PDE4D: variants seen among roughly 807,000 people sequenced by gnomAD.
PDE4D encodes the protein phosphodiesterase 4D.
In PDE4D, 24 loss-of-function variants were observed where a neutral mutation model predicts 87.4. The ratio of observed to expected loss-of-function variants is 0.27; its 90% CI spans 0.20 to 0.39. PDE4D has a LOEUF of 0.39. Ranked by LOEUF, PDE4D falls within the 10% of genes least tolerant of loss-of-function variation. The pLI is 1.00. For missense variants in PDE4D, 714 were observed against 1,041.0 expected (o/e 0.69, Z 4.32); for synonymous variants, 384 against 383.2 (o/e 1.00, Z -0.02).
At chr5:59,127,401 A>G (rs1304136663) in intron 5 of PDE4D, among the ~76,000 whole-genome samples, 1 of 152,124 alleles carries the variant, frequency 6.6e-6, no homozygotes, top group East Asian at 1.9e-4. Context: ...TGTTAACAGA[A>G]TTAATTTTTT....
intron 1 of PDE4D, among the ~76,000 whole-genome samples, chr5:59,288,724 CA>C (rs1767454892): frequency 6.6e-6 from 1 of 151,912 alleles, no homozygotes. Context: ...AAAGAAAAAA[CA>C]TACACTGGAG....
intron 1 of PDE4D, among the ~76,000 whole-genome samples, chr5:59,433,945 G>A (rs1796459019): frequency 6.6e-6 from 1 of 151,820 alleles, no homozygotes; most frequent in Non-Finnish European, 1.5e-5. Context: ...TATTAATTAA[G>A]GTTCTTTCAG....
Position 59,642,758 on chromosome 5 carries a change from A to G in PDE4D, c.455+250410T>C, listed in dbSNP as rs576354123. 2.6e-5 allele frequency among the ~76,000 whole-genome samples: 4 copies of G among 152,288 alleles called. No homozygotes were observed. In the South Asian group the frequency reaches 6.2e-4, roughly 24 times the overall value. ...ACATGCACTAAGAACAAAATCCTAA[A>G]AAATACACTACAAGGTGTTAGAGTC... On this transcript the variant is annotated intron_variant, in intron 1 of 14. Coordinates refer to ENST00000340635, the MANE Select transcript of PDE4D (RefSeq NM_001104631.2).
At position 59,300,325 on chromosome 5, in the gene PDE4D, T is replaced by C. The variant is rs114212818; in HGVS notation, c.456-84357A>G. On this transcript the variant is annotated intron_variant, in intron 1 of 14. Coordinates refer to ENST00000340635, the MANE Select transcript of PDE4D (RefSeq NM_001104631.2). ...AATCAGTGTTTCTTTGAAATGAGTA[T>C]ATTTTCTGACAGTATACTTCATGCA... Among the ~76,000 whole-genome samples, 624 of 152,214 alleles carry C rather than the reference T, an allele frequency of 4.1e-3. 2 individuals are homozygous for C. Among genetic ancestry groups the C allele is most frequent in the Non-Finnish European group, 6.2e-3 (420 of 68,010 alleles).
chr5:60,480,345 T>C (rs1490258799), intron 1 of PDE4D, among the ~76,000 whole-genome samples: 2 of 152,142 alleles, frequency 1.3e-5, no homozygotes, highest in East Asian at 1.9e-4. Context: ...CTATGAGATA[T>C]GCATCATTCG....
At chr5:60,078,947 T>A (rs996255479) in intron 2 of PDE4D, among the ~76,000 whole-genome samples, 3 of 152,244 alleles carry the variant, frequency 2.0e-5, no homozygotes, top group African/African-American at 4.8e-5. Context: ...TTCTAGATCC[T>A]TGAGGAATTG....
chr5:60,132,979 G>A (rs1468388652), intron 2 of PDE4D, among the ~76,000 whole-genome samples: 4 of 152,176 alleles, frequency 2.6e-5, no homozygotes, highest in Admixed American at 2.0e-4. Flanking sequence ...TATACACTCT[G>A]TTCCAAACCA....
chr5:59,703,597 T>A (rs994062629), intron 1 of PDE4D: 2 of 534,470 alleles, frequency 3.7e-6, no homozygotes, highest in African/African-American at 1.9e-5. Flanking sequence ...CCAGCCGACT[T>A]CACAATGAAA....
intron 1 of PDE4D, among the ~76,000 whole-genome samples, chr5:60,319,420 A>T (rs1253749441): frequency 6.6e-6 from 1 of 152,106 alleles, no homozygotes; most frequent in African/African-American, 2.4e-5. Flanking sequence ...CTTCTTTGCC[A>T]TGGCTTCGAA....
intron 1 of PDE4D, among the ~76,000 whole-genome samples, chr5:59,860,408 A>G (rs1262501298): frequency 6.6e-6 from 1 of 152,214 alleles, no homozygotes; most frequent in African/African-American, 2.4e-5. Context: ...CTTGTTCCAC[A>G]TACATGCACC....
chr5:59,739,022 T>C (rs1339143460), intron 1 of PDE4D, among the ~76,000 whole-genome samples: 1 of 152,176 alleles, frequency 6.6e-6, no homozygotes, highest in African/African-American at 2.4e-5. Context: ...GATCAAATTT[T>C]CCAAAAGAAA....
intron 1 of PDE4D, among the ~76,000 whole-genome samples, chr5:59,442,318 G>A (rs776971998): frequency 3.9e-5 from 6 of 152,120 alleles, no homozygotes; most frequent in African/African-American, 1.4e-4. Context: ...CACAGACTGG[G>A]GAATGAAAAT....
chr5:60,396,731 G>C (rs889144684), intron 1 of PDE4D, among the ~76,000 whole-genome samples: 3 of 152,174 alleles, frequency 2.0e-5, no homozygotes, highest in Admixed American at 6.5e-5. Flanking sequence ...CCCCCAGACA[G>C]AGAAGACCCA....
intron 2 of PDE4D, among the ~76,000 whole-genome samples, chr5:60,024,376 G>A (rs1054510744): frequency 2.0e-5 from 3 of 152,152 alleles, no homozygotes; most frequent in African/African-American, 7.2e-5. Context: ...TCTGAAAATA[G>A]CAATAAGTCT....
At chr5:59,337,886 A>G (rs1778009436) in intron 1 of PDE4D, among the ~76,000 whole-genome samples, 1 of 152,164 alleles carries the variant, frequency 6.6e-6, no homozygotes, top group South Asian at 2.1e-4. Flanking sequence ...ATGTCATGGG[A>G]GCCTCTCCAT....
intron 1 of PDE4D, among the ~76,000 whole-genome samples, chr5:59,256,487 A>C (rs10036406): frequency 0.069 from 10,450 of 152,148 alleles, 463 homozygotes; most frequent in South Asian, 0.099. Flanking sequence ...GTTTCAATTA[A>C]GATAAACATC....
intron 1 of PDE4D, among the ~76,000 whole-genome samples, chr5:59,505,528 G>C (rs75463324): frequency 0.017 from 2,650 of 152,240 alleles, 60 homozygotes; most frequent in African/African-American, 0.06. Context: ...AAATGTCAAC[G>C]TATGGCTTAT....
chr5:59,587,541 C>T, intron 1 of PDE4D: 4 of 985,420 alleles, frequency 4.1e-6, no homozygotes, highest in Non-Finnish European at 3.6e-6. Context: ...ATCCTCGCAG[C>T]CGCCTTGTCT....
At chr5:60,321,235 A>G (rs897195120) in intron 1 of PDE4D, among the ~76,000 whole-genome samples, 1 of 152,216 alleles carries the variant, frequency 6.6e-6, no homozygotes, top group Non-Finnish European at 1.5e-5. Context: ...GAGCCCAGAA[A>G]TAATACCACC....
Sources: allele counts gnomAD v4.1 joint callset (sites outside exome capture counted in the v4.1 genomes callset), GRCh38; gene constraint gnomAD v4.1.1; transcripts MANE v1.5; gene names NCBI Gene and HGNC (gene_info 2026-07-23, HGNC 2026-07-21).